Variants in PGCKA1 observed in about 807,000 individuals in gnomAD.
PGCKA1 encodes PDCD10 and GCKIII kinases associated 1.
At chr4:37,522,585 T>C in the PGCKA1 span, among the ~76,000 whole-genome samples, 1 of 152,072 alleles carries the variant, frequency 6.6e-6, no homozygotes, top group East Asian at 1.9e-4. Context: ...ATGGCCATGC[T>C]AGTACCTGAA....
the PGCKA1 span, among the ~76,000 whole-genome samples, chr4:37,565,304 G>C: frequency 1.3e-5 from 2 of 152,064 alleles, no homozygotes; most frequent in Non-Finnish European, 1.5e-5. Context: ...CAAAACCTTC[G>C]CATGGGGCCA....
the PGCKA1 span, among the ~76,000 whole-genome samples, chr4:37,471,818 T>C: frequency 1.3e-5 from 2 of 152,108 alleles, no homozygotes; most frequent in Non-Finnish European, 2.9e-5. Context: ...AAATTGGCTA[T>C]ATACAATTTT....
the PGCKA1 span, among the ~76,000 whole-genome samples, chr4:37,474,658 A>G: frequency 6.6e-6 from 1 of 152,194 alleles, no homozygotes; most frequent in Non-Finnish European, 1.5e-5. Context: ...CCTACTATGT[A>G]CTAGGTACTT....
the PGCKA1 span, chr4:37,460,932 T>A: frequency 2.6e-6 from 1 of 384,424 alleles, no homozygotes; most frequent in Non-Finnish European, 5.0e-6. Context: ...CTGAGTGGTA[T>A]TGCCTAGATT....
chr4:37,498,484 T>C, the PGCKA1 span, among the ~76,000 whole-genome samples: 1 of 152,198 alleles, frequency 6.6e-6, no homozygotes, highest in African/African-American at 2.4e-5. Flanking sequence ...AATTTGTAGA[T>C]TGCTTTTGGC....
the PGCKA1 span, among the ~76,000 whole-genome samples, chr4:37,562,334 T>C: frequency 6.6e-6 from 1 of 152,218 alleles, no homozygotes; most frequent in African/African-American, 2.4e-5. Context: ...AATATGTACA[T>C]TTGATATTTT....
chr4:37,539,163 A>G, the PGCKA1 span, among the ~76,000 whole-genome samples: 1 of 152,148 alleles, frequency 6.6e-6, no homozygotes, highest in Admixed American at 6.5e-5. Context: ...CAGACCATAC[A>G]TGGGATTAAG....
chr4:37,531,475 C>A, the PGCKA1 span, among the ~76,000 whole-genome samples: 1 of 151,982 alleles, frequency 6.6e-6, no homozygotes, highest in Non-Finnish European at 1.5e-5. Flanking sequence ...AGCTCAGAAC[C>A]CAGAAAGCTT....
the PGCKA1 span, among the ~76,000 whole-genome samples, chr4:37,492,167 A>G: frequency 6.6e-6 from 1 of 151,756 alleles, no homozygotes; most frequent in African/African-American, 2.4e-5. This position sits in a 1 kb window ranked among gnomAD's most constrained non-coding sequence, Gnocchi z 4.7. Flanking sequence ...TCAGCCTCCC[A>G]AGTAGCTGGG....
At chr4:37,590,919 G>A in the PGCKA1 span, 2 of 1,614,226 alleles carry the variant, frequency 1.2e-6, no homozygotes, top group Non-Finnish European at 1.7e-6. Flanking sequence ...GGGAGATTGT[G>A]GACGAGGATG....
chr4:37,527,104 A>AC, the PGCKA1 span, among the ~76,000 whole-genome samples: 14 of 151,754 alleles, frequency 9.2e-5, no homozygotes, highest in Admixed American at 3.9e-4. Context: ...AATTAAAAAA[A>AC]ATTAATTAAA....
chr4:37,552,813 A>G, the PGCKA1 span, among the ~76,000 whole-genome samples: 33,748 of 151,998 alleles, frequency 0.22, 4,211 homozygotes, highest in East Asian at 0.53. Context: ...CTTGTCATTC[A>G]CCACTTCAGA....
the PGCKA1 span, among the ~76,000 whole-genome samples, chr4:37,531,656 G>C: frequency 6.6e-6 from 1 of 151,610 alleles, no homozygotes; most frequent in Non-Finnish European, 1.5e-5. Context: ...ACTTTGGGAG[G>C]CCGAGGCGGG....
the PGCKA1 span, among the ~76,000 whole-genome samples, chr4:37,518,439 G>A: frequency 6.6e-6 from 1 of 151,990 alleles, no homozygotes; most frequent in African/African-American, 2.4e-5. Flanking sequence ...ATTTCTTATC[G>A]CCTGTCTTTT....
the PGCKA1 span, among the ~76,000 whole-genome samples, chr4:37,581,843 G>A: frequency 6.6e-6 from 1 of 152,120 alleles, no homozygotes; most frequent in Non-Finnish European, 1.5e-5. This position sits in a 1 kb window ranked among gnomAD's most constrained non-coding sequence, Gnocchi z 4.4. Context: ...TGTGGCCTAG[G>A]CTACCCTTCA....
chr4:37,483,822 G>A, the PGCKA1 span, among the ~76,000 whole-genome samples: 1 of 152,330 alleles, frequency 6.6e-6, no homozygotes, highest in Admixed American at 6.5e-5. Flanking sequence ...AGCATCCACA[G>A]AGCCAGGTCT....
the PGCKA1 span, among the ~76,000 whole-genome samples, chr4:37,524,186 T>C: frequency 6.6e-6 from 1 of 152,256 alleles, no homozygotes; most frequent in East Asian, 1.9e-4. Context: ...CTCAGTGTAT[T>C]AGTTATCTAT....
chr4:37,534,944 G>T, the PGCKA1 span, among the ~76,000 whole-genome samples: 2 of 152,166 alleles, frequency 1.3e-5, no homozygotes, highest in Non-Finnish European at 2.9e-5. Context: ...TATTCAACTA[G>T]AATTGATTGA....
chr4:37,460,504 T>G, the PGCKA1 span: 3 of 447,108 alleles, frequency 6.7e-6, no homozygotes, highest in Admixed American at 7.3e-5. Context: ...CATCTACTGT[T>G]TCTTGACTTT....
Sources: gnomAD v4.1 joint callset for allele counts (sites outside exome capture counted in the v4.1 genomes callset) on GRCh38, gnomAD v4.1.1 for gene constraint, Gnocchi (gnomAD v3.1) non-coding constraint, MANE v1.5 for transcripts, NCBI Gene and HGNC (gene_info 2026-07-23, HGNC 2026-07-21) for gene names.